Variants in LINGO2 observed in about 807,000 individuals in gnomAD.
The protein encoded by LINGO2 is leucine rich repeat and Ig domain containing 2.
In LINGO2, 14 loss-of-function variants were observed where a neutral mutation model predicts 30.6. That is an observed-to-expected ratio of 0.46 (90% confidence interval 0.30 to 0.72). The LOEUF (loss-of-function observed/expected upper bound fraction) is 0.72. LINGO2 is among the 30% of genes least tolerant of loss of function. LINGO2 has a pLI of 0.07. For synonymous variants in LINGO2, 317 were observed against 288.5 expected, an observed-to-expected ratio of 1.10 and a Z score of -1.00; for missense variants, 729 against 751.7, an observed-to-expected ratio of 0.97 and a Z score of 0.35.
At chr9:28,545,391 G>T (rs914615660) in intron 1 of LINGO2, among the ~76,000 whole-genome samples, 2 of 152,006 alleles carry the variant, frequency 1.3e-5, no homozygotes, top group African/African-American at 2.4e-5. Flanking sequence ...ATATGAACTG[G>T]CCCAATTAAA....
intron 3 of LINGO2, among the ~76,000 whole-genome samples, chr9:28,302,172 C>A (rs528956238): frequency 2.9e-4 from 44 of 152,230 alleles, no homozygotes; most frequent in Admixed American, 1.8e-3. Context: ...TATAAACAAG[C>A]TAATGCAATC....
rs1369826149 is a variant in LINGO2 at position 28,149,363 on chromosome 9, A to G, written c.-86-136958T>C. ...TGCCCGGCTGCTCCACCGTCTGGGA[A>G]GTGAGGAGCGCCTCTGCCAGGCTGC... is the stretch of plus-strand genomic sequence containing the variant. On this transcript the variant is annotated intron_variant, in intron 4 of 5. Transcript: ENST00000379992. 2.3e-5 allele frequency: 10 copies of G among 436,250 alleles called. No homozygotes were observed. In the South Asian group the frequency reaches 2.6e-4, roughly 11 times the overall value. The allele number at this position is 436,250 out of a possible 1,614,324, so 27.0% of individuals were successfully genotyped here.
chr9:28,309,446 G>A (rs4507855), intron 3 of LINGO2, among the ~76,000 whole-genome samples: 22,780 of 150,734 alleles, frequency 0.15, 2,245 homozygotes, highest in Non-Finnish European at 0.22. Context: ...GTGGCGGGAG[G>A]GGGGAGGGAT....
the LINGO2 span, among the ~76,000 whole-genome samples, chr9:28,915,198 G>A: frequency 6.6e-6 from 1 of 152,140 alleles, no homozygotes; most frequent in Non-Finnish European, 1.5e-5. Flanking sequence ...TGAGGACACA[G>A]AAAGCTCAGG....
intron 4 of LINGO2, among the ~76,000 whole-genome samples, chr9:28,230,629 G>T (rs1821323622): frequency 6.6e-6 from 1 of 151,538 alleles, no homozygotes. Context: ...ATTAAATTTT[G>T]ATTTTACATT....
At chr9:28,843,546 T>C in the LINGO2 span, among the ~76,000 whole-genome samples, 1 of 151,566 alleles carries the variant, frequency 6.6e-6, no homozygotes, top group Non-Finnish European at 1.5e-5. Context: ...GACAGAGACA[T>C]ATTGAAAAAT....
intron 3 of LINGO2, among the ~76,000 whole-genome samples, chr9:28,304,185 A>G (rs1479183363): frequency 6.6e-6 from 1 of 151,526 alleles, no homozygotes; most frequent in African/African-American, 2.4e-5. Flanking sequence ...TTTATAACAA[A>G]AAATCCTTAC....
In LINGO2 at chr9:28,557,917, A is replaced by G. The variant is rs1367005131; in HGVS notation, c.-364-81892T>C. Among the ~76,000 whole-genome samples, 7 of 147,976 alleles carry G rather than the reference A, an allele frequency of 4.7e-5. No individual in the cohort carries two copies. In the South Asian group the frequency reaches 6.5e-4, roughly 14 times the overall value. On this transcript the variant is annotated intron_variant, in intron 1 of 5. Coordinates refer to ENST00000379992, the Ensembl canonical transcript of LINGO2. ...AAGGACAAAAAACCAAACACCACGT[A>G]TTCTCACTCATATGTGGGAATTGAA...
the LINGO2 span, among the ~76,000 whole-genome samples, chr9:28,988,492 C>G: frequency 1.3e-5 from 2 of 152,094 alleles, no homozygotes; most frequent in Non-Finnish European, 2.9e-5. Flanking sequence ...TTTGGTCACT[C>G]TATGTCTTTT....
chr9:28,418,559 G>C (rs923201765), intron 2 of LINGO2, among the ~76,000 whole-genome samples: 12 of 152,064 alleles, frequency 7.9e-5, no homozygotes, highest in Non-Finnish European at 1.6e-4. Context: ...TTACGGGTGT[G>C]AGCCACCGTG....
At chr9:28,815,833 T>C in the LINGO2 span, among the ~76,000 whole-genome samples, 1 of 152,210 alleles carries the variant, frequency 6.6e-6, no homozygotes, top group South Asian at 2.1e-4. Flanking sequence ...GAAGGCTGAG[T>C]GGATTAAATC....
At chr9:28,587,403 T>C (rs1384758985) in intron 1 of LINGO2, among the ~76,000 whole-genome samples, 1 of 152,010 alleles carries the variant, frequency 6.6e-6, no homozygotes, top group Non-Finnish European at 1.5e-5. Context: ...TTCACCTTCC[T>C]AGTCACAGAG....
chr9:28,445,250 T>C (rs1564203649), intron 2 of LINGO2, among the ~76,000 whole-genome samples: 2 of 152,224 alleles, frequency 1.3e-5, no homozygotes, highest in East Asian at 3.8e-4. Context: ...AATGGTGGTT[T>C]CTGTATTGCA....
intron 4 of LINGO2, among the ~76,000 whole-genome samples, chr9:28,090,580 T>C (rs555068495): frequency 6.6e-6 from 1 of 152,234 alleles, no homozygotes; most frequent in East Asian, 1.9e-4. Context: ...TAATAAGAGC[T>C]ATTTATGACA....
intron 1 of LINGO2, among the ~76,000 whole-genome samples, chr9:28,516,088 T>C (rs183181405): frequency 6.6e-6 from 1 of 152,312 alleles, no homozygotes; most frequent in Non-Finnish European, 1.5e-5. Context: ...TTTAAAATTA[T>C]GGTATATACA....
At chr9:28,409,620 G>GGTGTGTGT (rs150611305) in intron 2 of LINGO2, among the ~76,000 whole-genome samples, 69 of 146,312 alleles carry the variant, frequency 4.7e-4, no homozygotes, top group East Asian at 1.8e-3. Context: ...GATGTGCAGG[G>GGTGTGTGT]GTGTGTGTGT....
At chr9:28,189,661 AAGGAAGGG>A (rs1564029417) in intron 4 of LINGO2, among the ~76,000 whole-genome samples, 3 of 45,650 alleles carry the variant, frequency 6.6e-5, no homozygotes, top group Admixed American at 2.6e-4. Flanking sequence ...GGAAGGAAGG[AAGGAAGGG>A]AGGAAGGAAG....
chr9:28,899,147 G>C, the LINGO2 span, among the ~76,000 whole-genome samples: 1 of 152,266 alleles, frequency 6.6e-6, no homozygotes, highest in Non-Finnish European at 1.5e-5. Flanking sequence ...GATGCATTGA[G>C]GAAATAAGAA....
intron 4 of LINGO2, among the ~76,000 whole-genome samples, chr9:28,154,993 T>C (rs1254786705): frequency 3.3e-5 from 5 of 152,230 alleles, no homozygotes; most frequent in Non-Finnish European, 7.3e-5. Context: ...GAATTTTAAT[T>C]TTCACTTGTG....
Sources: allele counts gnomAD v4.1 joint callset (sites outside exome capture counted in the v4.1 genomes callset), GRCh38; gene constraint gnomAD v4.1.1; transcripts MANE v1.5; gene names NCBI Gene and HGNC (gene_info 2026-07-23, HGNC 2026-07-21).